CTNNA2: variants seen among roughly 807,000 people sequenced by gnomAD.
The protein encoded by CTNNA2 is catenin alpha 2, also known as catenin alpha-2.
A neutral mutation model predicts 101.0 loss-of-function variants in CTNNA2; 42 were observed. The observed-to-expected ratio is 0.42, with a 90% CI of 0.32 to 0.54. The LOEUF (loss-of-function observed/expected upper bound fraction) is 0.54. Ranked by LOEUF, CTNNA2 falls within the 20% of genes least tolerant of loss-of-function variation. The pLI, the probability that CTNNA2 is intolerant of heterozygous loss-of-function variation, is 0.14. For missense variants in CTNNA2, 871 were observed against 1,223.1 expected, an observed-to-expected ratio of 0.71 and a Z score of 4.29; for synonymous variants, 450 against 456.4, an observed-to-expected ratio of 0.99 and a Z score of 0.18.
intron 7 of CTNNA2, among the ~76,000 whole-genome samples, chr2:79,933,528 C>T (rs1216173320): frequency 6.6e-6 from 1 of 151,420 alleles, no homozygotes; most frequent in Non-Finnish European, 1.5e-5. Context: ...GATCTCGGCT[C>T]ACTGCAACCT....
At chr2:80,384,731 G>A (rs1335766440) in intron 7 of CTNNA2, among the ~76,000 whole-genome samples, 1 of 151,896 alleles carries the variant, frequency 6.6e-6, no homozygotes, top group African/African-American at 2.4e-5. Context: ...TTTAGAGCTG[G>A]GTCAGTAATT....
chr2:79,285,133 T>A (rs535629060), intron 2 of CTNNA2, among the ~76,000 whole-genome samples: 1 of 151,640 alleles, frequency 6.6e-6, no homozygotes, highest in Non-Finnish European at 1.5e-5. Context: ...TTATTGTGTC[T>A]ATTTGATTCT....
chr2:79,664,231 T>C (rs1682239573), intron 2 of CTNNA2, among the ~76,000 whole-genome samples: 1 of 152,236 alleles, frequency 6.6e-6, no homozygotes, highest in Non-Finnish European at 1.5e-5. Flanking sequence ...TCTTTTCACA[T>C]TGTCTATAAA....
chr2:80,586,010 G>A (rs767266192), intron 14 of CTNNA2, among the ~76,000 whole-genome samples: 14 of 152,130 alleles, frequency 9.2e-5, no homozygotes, highest in Non-Finnish European at 2.1e-4. Context: ...GCATTGGAGG[G>A]GATAGTTTTT....
At chr2:80,592,951 C>A (rs1696639467) in intron 15 of CTNNA2, among the ~76,000 whole-genome samples, 1 of 152,076 alleles carries the variant, frequency 6.6e-6, no homozygotes, top group Non-Finnish European at 1.5e-5. Flanking sequence ...CCTTGACTTT[C>A]TTTTTTGGAG....
intron 3 of CTNNA2, among the ~76,000 whole-genome samples, chr2:79,778,790 G>A (rs903312592): frequency 6.6e-6 from 1 of 151,968 alleles, no homozygotes; most frequent in African/African-American, 2.4e-5. Context: ...CAAGAAGTAG[G>A]CAAAGTTGTT....
intron 4 of CTNNA2, among the ~76,000 whole-genome samples, chr2:79,401,574 C>T (rs1573148303): frequency 6.6e-6 from 1 of 150,734 alleles, no homozygotes; most frequent in Admixed American, 6.6e-5. Flanking sequence ...AATTATAAAC[C>T]CTAGGGAAAT....
At chr2:80,084,386 T>C (rs1196870030) in intron 7 of CTNNA2, among the ~76,000 whole-genome samples, 1 of 152,146 alleles carries the variant, frequency 6.6e-6, no homozygotes, top group Non-Finnish European at 1.5e-5. Context: ...CTGCATTCTT[T>C]TGTTGTGGAG....
chr2:80,552,098 A>G lies in CTNNA2; in HGVS notation c.1541-3595A>G, dbSNP rs1158151053. Among the ~76,000 whole-genome samples, 3 of 152,302 alleles carry G rather than the reference A, an allele frequency of 2.0e-5. No homozygotes were observed. In the Middle Eastern group the frequency reaches 0.01, roughly 518 times the overall value. ...AGCAGGCGGAACACGCCCGACATTT[A>G]TTGTTTGCCTTCTTAAGTGAACATG... On this transcript the variant is annotated intron_variant, in intron 11 of 18. Coordinates refer to ENST00000402739, the MANE Select transcript of CTNNA2 (RefSeq NM_001282597.3).
At chr2:79,740,268 C>T (rs1037472065) in intron 2 of CTNNA2, among the ~76,000 whole-genome samples, 1 of 152,052 alleles carries the variant, frequency 6.6e-6, no homozygotes, top group African/African-American at 2.4e-5. Context: ...ATGCAGTATT[C>T]GATTTTGTTT....
intron 9 of CTNNA2, among the ~76,000 whole-genome samples, chr2:80,524,622 C>T (rs1689865163): frequency 6.6e-6 from 1 of 152,158 alleles, no homozygotes; most frequent in South Asian, 2.1e-4. Context: ...TTGGCCATGG[C>T]TCACATTCTT....
chr2:80,612,596 G>A (rs1407993692), intron 17 of CTNNA2, among the ~76,000 whole-genome samples: 2 of 151,438 alleles, frequency 1.3e-5, no homozygotes, highest in African/African-American at 4.8e-5. Context: ...TATATATATG[G>A]TTTGTTGAGA....
At chr2:80,087,349 G>A (rs1040923367) in intron 7 of CTNNA2, among the ~76,000 whole-genome samples, 4 of 152,066 alleles carry the variant, frequency 2.6e-5, no homozygotes, top group Admixed American at 2.0e-4. Flanking sequence ...GAGAAAACAG[G>A]TAGGAAGGTG....
chr2:79,340,683 T>A (rs375635339), intron 3 of CTNNA2, among the ~76,000 whole-genome samples: 91 of 151,580 alleles, frequency 6.0e-4, no homozygotes, highest in East Asian at 1.2e-3. Flanking sequence ...AATACAAAAA[T>A]TTAGCCAGGC....
At chr2:79,983,829 T>G (rs1182719542) in intron 7 of CTNNA2, among the ~76,000 whole-genome samples, 1 of 152,232 alleles carries the variant, frequency 6.6e-6, no homozygotes, top group African/African-American at 2.4e-5. Flanking sequence ...ATGTCATTTC[T>G]CTTTGGGTTT....
At chr2:79,379,915 A>G (rs142587739) in intron 4 of CTNNA2, among the ~76,000 whole-genome samples, 1 of 152,328 alleles carries the variant, frequency 6.6e-6, no homozygotes, top group African/African-American at 2.4e-5. Context: ...ATTCAATCTC[A>G]TAATGTACAC....
chr2:80,358,411 C>T (rs12053331), intron 7 of CTNNA2, among the ~76,000 whole-genome samples: 9 of 136,212 alleles, frequency 6.6e-5, no homozygotes, highest in African/African-American at 2.2e-4. Flanking sequence ...AGTGCAATGG[C>T]GCAATCTTGG....
intron 2 of CTNNA2, among the ~76,000 whole-genome samples, chr2:79,232,096 T>G (rs1674500332): frequency 1.3e-5 from 2 of 152,138 alleles, no homozygotes; most frequent in South Asian, 4.1e-4. Context: ...AGTACTGTGT[T>G]GAATAGGAGT....
chr2:79,210,914 T>C (rs1447778234), intron 2 of CTNNA2, among the ~76,000 whole-genome samples: 1 of 152,014 alleles, frequency 6.6e-6, no homozygotes, highest in Non-Finnish European at 1.5e-5. Flanking sequence ...AAGCCCTCCC[T>C]CTCCCGCCTG....
Sources: allele counts gnomAD v4.1 joint callset (sites outside exome capture counted in the v4.1 genomes callset), GRCh38; gene constraint gnomAD v4.1.1; transcripts MANE v1.5; gene names NCBI Gene and HGNC (gene_info 2026-07-23, HGNC 2026-07-21).